NOSTRIN: variants seen among roughly 807,000 people sequenced by gnomAD.
The protein encoded by NOSTRIN is nitric oxide synthase trafficking, also known as BM247 homolog.
A neutral mutation model predicts 59.0 loss-of-function variants in NOSTRIN; 63 were observed. The observed-to-expected ratio is 1.07, with a 90% CI of 0.87 to 1.32. The LOEUF (loss-of-function observed/expected upper bound fraction) is 1.32, where lower values mean the gene tolerates loss of function less well. Among genes scored for constraint, NOSTRIN ranks in the 40% most tolerant of loss-of-function variants. NOSTRIN has a pLI of 0.00. For missense variants in NOSTRIN, 512 were observed against 473.1 expected, an observed-to-expected ratio of 1.08 and a Z score of -0.76; for synonymous variants, 200 against 165.4, an observed-to-expected ratio of 1.21 and a Z score of -1.61.
In NOSTRIN at chr2:168,855,443, C is replaced by A. The variant is rs552601152; in HGVS notation, c.947C>A (p.Ala316Asp). 14 of 1,603,606 alleles carry A rather than the reference C, an allele frequency of 8.7e-6. No individual in the cohort carries two copies. The highest frequency in any genetic ancestry group is 1.1e-5 in the Non-Finnish European group (13 of 1,171,738). Residue 316 changes from alanine to aspartate, a missense_variant, in exon 11 of 16, where the codon GCC becomes GAC. Ala to Asp is a moderately radical substitution (Grantham distance 126). Coordinates refer to ENST00000317647, the MANE Select transcript of NOSTRIN (RefSeq NM_001039724.4). The part of the protein sequence containing the change: ...LLRLQRDIEK[A>D]SKDKEGLERM... The stretch of plus-strand genomic sequence containing the variant: ...AGACTGCAGAGAGACATTGAAAAAG[C>A]CTCAAAAGACAAGGAAGGTGTGTAA...
At position 168,811,506 on chromosome 2, in the gene NOSTRIN, C is replaced by T. The variant is rs868320029; in HGVS notation, c.28-61C>T. Reference sequence around the variant, plus strand: ...TTTTCTGAATTTATAGGTGCTCTATCTTCGGAGTTGCTCGTAATCTTCCTG... The same window carrying T: ...TTTTCTGAATTTATAGGTGCTCTATTTTCGGAGTTGCTCGTAATCTTCCTG... On this transcript the variant is annotated intron_variant, in intron 1 of 15. Coordinates refer to ENST00000317647, the MANE Select transcript of NOSTRIN (RefSeq NM_001039724.4). The T allele has an allele frequency of 4.6e-6, 3 of 647,454 alleles. No homozygotes were observed. The South Asian group carries it at 5.9e-5, about 13-fold the overall frequency. The allele number at this position is 647,454 out of a possible 1,614,324, so 40.1% of individuals were successfully genotyped here.
intron 2 of NOSTRIN, among the ~76,000 whole-genome samples, chr2:168,822,747 C>T (rs1263872985): frequency 6.6e-6 from 1 of 152,188 alleles, no homozygotes; most frequent in Non-Finnish European, 1.5e-5. Context: ...ATGATTCAAT[C>T]TATCCAAAAG....
At chr2:168,849,670 CA>C (rs10650489) in intron 8 of NOSTRIN, among the ~76,000 whole-genome samples, 1,288 of 118,684 alleles carry the variant, frequency 0.011, 12 homozygotes, top group Middle Eastern at 0.019. Flanking sequence ...CTTGTTTTTA[CA>C]AAAAAAAAAA....
Position 168,791,684 on chromosome 2 carries a change from C to G in NOSTRIN, c.-473+3636C>G, listed in dbSNP as rs571792532. Among the ~76,000 whole-genome samples the G allele has an allele frequency of 2.5e-3, 387 of 152,324 alleles. 1 individual carries two copies. The highest frequency in any genetic ancestry group is 8.5e-3 in the African/African-American group (354 of 41,564). On this transcript the variant is annotated intron_variant, in intron 2 of 20. Transcript: ENST00000458381. ...TCCTGACTTTTTAATGATCACCATTCTAACTGGTGTGAGATGGTATCTCAT... is the reference window on the plus strand; with the variant it reads ...TCCTGACTTTTTAATGATCACCATTGTAACTGGTGTGAGATGGTATCTCAT...
intron 1 of NOSTRIN, among the ~76,000 whole-genome samples, chr2:168,809,757 A>C (rs1371601528): frequency 6.8e-6 from 1 of 147,946 alleles, no homozygotes; most frequent in African/African-American, 2.4e-5. Flanking sequence ...TTTATATATT[A>C]AATATAAAAA....
chr2:168,860,346 G>A (rs519345), intron 13 of NOSTRIN, among the ~76,000 whole-genome samples: 2 of 152,222 alleles, frequency 1.3e-5, no homozygotes, highest in East Asian at 3.8e-4. Flanking sequence ...GTAGGGCTTA[G>A]AAATCTTTGA....
At chr2:168,850,671 G>C (rs1431257105) in intron 8 of NOSTRIN, among the ~76,000 whole-genome samples, 1 of 148,062 alleles carries the variant, frequency 6.8e-6, no homozygotes, top group Non-Finnish European at 1.5e-5. Context: ...CTAGCACTTT[G>C]GGAGGCCAAG....
At chr2:168,850,466 T>C (rs1031332391) in intron 8 of NOSTRIN, among the ~76,000 whole-genome samples, 1 of 152,178 alleles carries the variant, frequency 6.6e-6, no homozygotes, top group Non-Finnish European at 1.5e-5. Context: ...GGCCTGTCAT[T>C]CTCTTCCCTG....
Position 168,834,340 on chromosome 2 carries a change from C to A in NOSTRIN, c.504+15C>A. On this transcript the variant is annotated intron_variant, in intron 7 of 15. Transcript: ENST00000317647. ...AGAAGCGGAAGGTAAGCTGTCATGG[C>A]TGGCTGGGCGCATGTGCCATAGAGA... 1 of 871,518 alleles carries A rather than the reference C, an allele frequency of 1.1e-6. No homozygotes were observed. The highest frequency in any genetic ancestry group is 1.3e-5 in the South Asian group (1 of 76,328). The allele number at this position is 871,518 out of a possible 1,614,324, so 54.0% of individuals were successfully genotyped here. A position where few individuals can be genotyped will look rare whatever the true frequency, so the allele number is the denominator to read the frequency against.
intron 8 of NOSTRIN, among the ~76,000 whole-genome samples, chr2:168,844,509 G>C (rs1396371527): frequency 1.3e-5 from 2 of 152,192 alleles, no homozygotes; most frequent in African/African-American, 4.8e-5. Context: ...GCACATTCAT[G>C]TGTTTCTGTT....
chr2:168,834,066 A>G, intron 6 of NOSTRIN, 161 bp from the exon 7 acceptor site: 1 of 552,470 alleles, frequency 1.8e-6, no homozygotes, highest in Non-Finnish European at 3.2e-6. Context: ...GATGGGAATG[A>G]AGAACTAAAA....
At chr2:168,797,936 T>C (rs1685528551), upstream of NOSTRIN, among the ~76,000 whole-genome samples, 1 of 152,122 alleles carries the variant, frequency 6.6e-6, no homozygotes, top group African/African-American at 2.4e-5. Context: ...GGGGCATTGG[T>C]TTCAGGATAC....
chr2:168,842,375 T>A (rs1250365367), intron 7 of NOSTRIN, among the ~76,000 whole-genome samples: 2 of 152,152 alleles, frequency 1.3e-5, no homozygotes, highest in Non-Finnish European at 2.9e-5. Context: ...TAATTACCTA[T>A]CCCCATCACA....
Position 168,834,511 on chromosome 2 carries a change from A to ACACACG in NOSTRIN, c.504+191_504+192insGCACAC, listed in dbSNP as rs1553527234. On this transcript the variant is annotated intron_variant, in intron 7 of 15. Coordinates refer to ENST00000317647, the MANE Select transcript of NOSTRIN (RefSeq NM_001039724.4). ...GGCGTGCGCGCGCGCGCGCGCGCAC[A>ACACACG]CACACACACACACACACACACACAC... Among the ~76,000 whole-genome samples, 792 of 129,486 alleles carry ACACACG rather than the reference A, an allele frequency of 6.1e-3. 9 individuals carry two copies. The highest frequency in any genetic ancestry group is 0.017 in the African/African-American group (607 of 35,344). 84.9% of individuals were successfully genotyped at this position (129,486 alleles called of 152,430 possible).
In NOSTRIN at chr2:168,865,056, C is replaced by A. The variant is rs749923661; in HGVS notation, c.*86C>A. ...TAAGAATAAAGTGCTCTTACCTTTA[C>A]ATGTTTTTCTTTTGAAATGGATGGA... On this transcript the variant is annotated 3_prime_UTR_variant, in exon 16 of 16. Coordinates refer to ENST00000317647, the MANE Select transcript of NOSTRIN (RefSeq NM_001039724.4). 6.9e-7 allele frequency: 1 copy of A among 1,443,608 alleles called. No individual in the cohort carries two copies. The highest frequency in any genetic ancestry group is 1.3e-5 in the South Asian group (1 of 79,566). The allele number at this position is 1,443,608 out of a possible 1,614,324, so 89.4% of individuals were successfully genotyped here. A position where few individuals can be genotyped will look rare whatever the true frequency, so the allele number is the denominator to read the frequency against.
chr2:168,831,453 C>A lies in NOSTRIN; in HGVS notation c.343-19C>A. 1.2e-6 allele frequency: 1 copy of A among 860,718 alleles called. No homozygotes were observed. The highest frequency in any genetic ancestry group is 1.7e-5 in the Admixed American group (1 of 59,004). 53.3% of individuals were successfully genotyped at this position (860,718 alleles called of 1,614,324 possible). ...CAAGAAGAAAGCAAAGCTTTGTTTC[C>A]TTTTTCCTTTTTCAATAGCTTGACA... On this transcript the variant is annotated intron_variant, in intron 5 of 15. Coordinates refer to ENST00000317647, the MANE Select transcript of NOSTRIN (RefSeq NM_001039724.4).
intron 10 of NOSTRIN, among the ~76,000 whole-genome samples, chr2:168,851,760 G>A (rs988831038): frequency 2.2e-4 from 33 of 152,082 alleles, no homozygotes; most frequent in Admixed American, 2.0e-3. Flanking sequence ...ACAAATTACC[G>A]CTCCCCACCC....
intron 7 of NOSTRIN, among the ~76,000 whole-genome samples, chr2:168,834,837 T>A (rs1687626732): frequency 6.6e-6 from 1 of 152,268 alleles, no homozygotes; most frequent in Non-Finnish European, 1.5e-5. Flanking sequence ...ACTATATATA[T>A]GTTGTTTGTT....
At chr2:168,859,823 A>G (rs192261080) in intron 13 of NOSTRIN, among the ~76,000 whole-genome samples, 186 bp downstream of exon 13, 2 of 152,346 alleles carry the variant, frequency 1.3e-5, no homozygotes, top group East Asian at 3.9e-4. Flanking sequence ...ACAAAACCGA[A>G]TACATTCTGT....
Sources: gnomAD v4.1 joint callset for allele counts (sites outside exome capture counted in the v4.1 genomes callset) on GRCh38, gnomAD v4.1.1 for gene constraint, MANE v1.5 for transcripts, NCBI Gene and HGNC (gene_info 2026-07-23, HGNC 2026-07-21) for gene names.